COL8A1: variants seen among roughly 807,000 people sequenced by gnomAD.
COL8A1 encodes the protein collagen type VIII alpha 1 chain, also known as collagen alpha-1(VIII) chain.
A neutral mutation model predicts 42.7 loss-of-function variants in COL8A1; 21 were observed. The ratio of observed to expected loss-of-function variants is 0.49; its 90% CI spans 0.35 to 0.71. The LOEUF is 0.71. COL8A1 is among the 30% of genes least tolerant of loss of function. The pLI, the probability that COL8A1 is intolerant of heterozygous loss-of-function variation, is 0.01. For synonymous variants in COL8A1, 367 were observed against 369.1 expected, an observed-to-expected ratio of 0.99 and a Z score of 0.06; for missense variants, 788 against 962.4, an observed-to-expected ratio of 0.82 and a Z score of 2.40.
intron 2 of COL8A1, among the ~76,000 whole-genome samples, chr3:99,783,999 TCCTAGTCAG>T (rs1343954540): frequency 5.3e-5 from 8 of 152,200 alleles, no homozygotes; most frequent in Admixed American, 1.3e-4. Flanking sequence ...AAGCTTGTAT[TCCTAGTCAG>T]AAAACCAAAG....
At chr3:99,643,225 G>A (rs16841561) in intron 1 of COL8A1, among the ~76,000 whole-genome samples, 18,777 of 152,136 alleles carry the variant, frequency 0.12, 1,220 homozygotes, top group Admixed American at 0.14. Flanking sequence ...ACTATGCTGA[G>A]CATTCCGTAG....
At chr3:99,724,448 GC>G (rs372635521) in intron 1 of COL8A1, among the ~76,000 whole-genome samples, 326 of 152,204 alleles carry the variant, frequency 2.1e-3, no homozygotes, top group African/African-American at 7.3e-3. Flanking sequence ...GTCTGCCATT[GC>G]CCATTGCCAT....
intron 1 of COL8A1, among the ~76,000 whole-genome samples, chr3:99,727,953 A>G (rs1175416823): frequency 1.3e-5 from 2 of 151,156 alleles, no homozygotes; most frequent in Admixed American, 6.6e-5. Flanking sequence ...CCTTCATGCT[A>G]AAAACTCTCA....
intron 1 of COL8A1, chr3:99,678,585 G>A (rs1717611): frequency 0.28 from 42,066 of 150,362 alleles, 6,981 homozygotes; most frequent in East Asian, 0.48. Context: ...TGGGTTGTTT[G>A]TTGTTGTTGT....
chr3:99,654,991 C>G (rs957203338), intron 1 of COL8A1, among the ~76,000 whole-genome samples: 2 of 152,028 alleles, frequency 1.3e-5, no homozygotes, highest in African/African-American at 2.4e-5. Context: ...TGAGACCCAC[C>G]ATGTGCCAAG....
intron 2 of COL8A1, among the ~76,000 whole-genome samples, chr3:99,776,826 T>C (rs1255072259): frequency 1.3e-5 from 2 of 152,236 alleles, no homozygotes; most frequent in African/African-American, 2.4e-5. Flanking sequence ...GGGTAGGCAA[T>C]TCCCAGAACT....
chr3:99,791,266 C>G (rs1431299357), intron 3 of COL8A1, among the ~76,000 whole-genome samples: 1 of 152,184 alleles, frequency 6.6e-6, no homozygotes, highest in Non-Finnish European at 1.5e-5. Context: ...CACAAATAGT[C>G]TATCCCCTTA....
chr3:99,745,303 T>C (rs1451914152), intron 2 of COL8A1, among the ~76,000 whole-genome samples: 1 of 152,212 alleles, frequency 6.6e-6, no homozygotes, highest in Non-Finnish European at 1.5e-5. Context: ...AAATAATCAT[T>C]TCCATAGAAC....
intron 1 of COL8A1, among the ~76,000 whole-genome samples, chr3:99,681,704 G>A (rs892666826): frequency 3.3e-5 from 5 of 152,158 alleles, no homozygotes; most frequent in African/African-American, 4.8e-5. Flanking sequence ...TTGGGTACCC[G>A]AAACAAGTCA....
chr3:99,680,503 A>C (rs1227588537), intron 1 of COL8A1: 1 of 152,214 alleles, frequency 6.6e-6, no homozygotes, highest in African/African-American at 2.4e-5. Flanking sequence ...TCCTTTGGGT[A>C]TATACCCAGT....
At chr3:99,657,936 G>A (rs922640679) in intron 1 of COL8A1, among the ~76,000 whole-genome samples, 1 of 152,066 alleles carries the variant, frequency 6.6e-6, no homozygotes, top group Non-Finnish European at 1.5e-5. Flanking sequence ...GAGACAGCCT[G>A]ACCAACATGG....
intron 2 of COL8A1, among the ~76,000 whole-genome samples, chr3:99,788,764 G>A (rs1247055333): frequency 2.0e-5 from 3 of 152,204 alleles, no homozygotes; most frequent in Non-Finnish European, 4.4e-5. Flanking sequence ...AGTGTGTATA[G>A]TATACTGCAA....
At chr3:99,728,248 G>A (rs1046412674) in intron 1 of COL8A1, among the ~76,000 whole-genome samples, 13 of 151,848 alleles carry the variant, frequency 8.6e-5, no homozygotes, top group Non-Finnish European at 1.8e-4. Context: ...AAACCCCATT[G>A]TCTCAGCCCA....
rs114004678 is a variant in COL8A1, at chr3:99,656,400, A to T, written c.-129+17736A>T. On this transcript the variant is annotated intron_variant, in intron 1 of 3. Transcript: ENST00000652472. The stretch of plus-strand genomic sequence containing the variant: ...TCAAAGTGGTTATCTAAAATCCCAA[A>T]CCTTAAGTTTGTGCTTTCTTTTCAT... Among the ~76,000 whole-genome samples the T allele has an allele frequency of 2.9e-3, 444 of 151,904 alleles. 1 individual carries two copies. Among genetic ancestry groups the T allele is most frequent in the African/African-American group, 0.01 (431 of 41,430 alleles).
chr3:99,788,109 C>T (rs1186898356), intron 2 of COL8A1, among the ~76,000 whole-genome samples: 3 of 152,148 alleles, frequency 2.0e-5, no homozygotes, highest in Non-Finnish European at 4.4e-5. Context: ...CCCCATACCA[C>T]TTTGACCACC....
In COL8A1 at chr3:99,757,039, T is replaced by A. The variant is rs926069508; in HGVS notation, c.-4+12018T>A. On this transcript the variant is annotated intron_variant, in intron 2 of 3. Coordinates refer to ENST00000652472, the MANE Select transcript of COL8A1 (RefSeq NM_020351.4). ...GAAGAAACGAAATTCTAATGGCATATAAACTCTAGAAAGACAGGGACTTTT... is the reference window on the plus strand; with the variant it reads ...GAAGAAACGAAATTCTAATGGCATAAAAACTCTAGAAAGACAGGGACTTTT... Among the ~76,000 whole-genome samples, 9 of 152,338 alleles carry A rather than the reference T, an allele frequency of 5.9e-5. No homozygotes were observed. In the East Asian group the frequency reaches 1.7e-3, roughly 29 times the overall value.
At chr3:99,724,316 C>A (rs974192129) in intron 1 of COL8A1, among the ~76,000 whole-genome samples, 2 of 152,118 alleles carry the variant, frequency 1.3e-5, no homozygotes, top group Admixed American at 6.6e-5. Flanking sequence ...GCTAGAAAAT[C>A]TAAGTCTAGC....
chr3:99,773,837 A>ATATATATATATATATATAT (rs1200212756), intron 2 of COL8A1, among the ~76,000 whole-genome samples: 7 of 45,398 alleles, frequency 1.5e-4, no homozygotes, highest in South Asian at 1.1e-3. Context: ...ATATATATAT[A>ATATATATATATATATATAT]TTTTTTTTTT....
At chr3:99,714,508 G>A (rs1939938976) in intron 1 of COL8A1, among the ~76,000 whole-genome samples, 1 of 152,096 alleles carries the variant, frequency 6.6e-6, no homozygotes, top group South Asian at 2.1e-4. Context: ...ATCTATCTGA[G>A]AAACTGACCT....
Sources: gnomAD v4.1 joint callset for allele counts (sites outside exome capture counted in the v4.1 genomes callset) on GRCh38, gnomAD v4.1.1 for gene constraint, MANE v1.5 for transcripts, NCBI Gene and HGNC (gene_info 2026-07-23, HGNC 2026-07-21) for gene names.